ASTN1: variants seen among roughly 807,000 people sequenced by gnomAD.
ASTN1 encodes astrotactin-1.
A neutral mutation model predicts 140.7 loss-of-function variants in ASTN1; 41 were observed. The ratio of observed to expected loss-of-function variants is 0.29; its 90% CI spans 0.23 to 0.38. The LOEUF (loss-of-function observed/expected upper bound fraction) is 0.38. Among genes scored for constraint, ASTN1 ranks in the 10% least tolerant of loss-of-function variants. The probability of loss-of-function intolerance (pLI) is 1.00; values close to 1 mark genes in which losing one functional copy is unlikely to be tolerated. For missense variants in ASTN1, 1,479 were observed against 1,678.8 expected (o/e 0.88, Z 2.08); for synonymous variants, 640 against 652.2 (o/e 0.98, Z 0.29).
At chr1:177,068,660 A>G (rs1422260520) in intron 1 of ASTN1, among the ~76,000 whole-genome samples, 1 of 152,136 alleles carries the variant, frequency 6.6e-6, no homozygotes, top group African/African-American at 2.4e-5. Context: ...ATGTTATTCA[A>G]TGACACAAAA....
intron 8 of ASTN1, among the ~76,000 whole-genome samples, chr1:176,990,710 TC>T (rs1674118210): frequency 6.6e-6 from 1 of 151,834 alleles, no homozygotes; most frequent in South Asian, 2.1e-4. Flanking sequence ...TGGCGTAGTC[TC>T]CCCCCAGATA....
At chr1:177,111,697 T>C (rs1680828888) in intron 1 of ASTN1, among the ~76,000 whole-genome samples, 2 of 151,584 alleles carry the variant, frequency 1.3e-5, no homozygotes, top group Admixed American at 6.6e-5. Flanking sequence ...GGTACGAGAG[T>C]TTAAGTGCAT....
At chr1:176,888,647 CT>C (rs1669141941) in intron 17 of ASTN1, among the ~76,000 whole-genome samples, 1 of 152,196 alleles carries the variant, frequency 6.6e-6, no homozygotes, top group Non-Finnish European at 1.5e-5. Context: ...CCAGTATTCC[CT>C]TTGCATTCCT....
At chr1:177,042,500 C>T (rs959502280) in intron 2 of ASTN1, among the ~76,000 whole-genome samples, 5 of 152,190 alleles carry the variant, frequency 3.3e-5, no homozygotes, top group African/African-American at 1.2e-4. Flanking sequence ...CCTCCAAACT[C>T]CTGCCTCATT....
chr1:177,081,690 G>C (rs192516313), intron 1 of ASTN1, among the ~76,000 whole-genome samples: 1 of 152,288 alleles, frequency 6.6e-6, no homozygotes, highest in African/African-American at 2.4e-5. Flanking sequence ...CTCTTGGTAG[G>C]TTGTACGAAG....
intron 1 of ASTN1, among the ~76,000 whole-genome samples, chr1:177,101,662 A>G (rs1312881587): frequency 2.0e-5 from 3 of 152,198 alleles, no homozygotes; most frequent in African/African-American, 7.2e-5. Context: ...ATTGACCTAT[A>G]TGCTTGTGAT....
intron 1 of ASTN1, among the ~76,000 whole-genome samples, chr1:177,129,837 C>T (rs887384939): frequency 4.6e-5 from 7 of 152,080 alleles, no homozygotes; most frequent in Admixed American, 2.6e-4. Flanking sequence ...CATGGTGGCA[C>T]GCACCTGTAG....
intron 1 of ASTN1, among the ~76,000 whole-genome samples, chr1:177,150,252 G>A (rs1403845254): frequency 1.3e-5 from 2 of 152,028 alleles, no homozygotes; most frequent in Non-Finnish European, 1.5e-5. Flanking sequence ...GATGACCAAA[G>A]TCAATAAAAA....
At chr1:176,985,276 C>T (rs750265979) in intron 8 of ASTN1, among the ~76,000 whole-genome samples, 1 of 152,144 alleles carries the variant, frequency 6.6e-6, no homozygotes, top group Non-Finnish European at 1.5e-5. Flanking sequence ...TTGACCTGTG[C>T]AGGACTCAGT....
At chr1:176,902,807 A>C (rs1669826326) in intron 16 of ASTN1, among the ~76,000 whole-genome samples, 2 of 152,262 alleles carry the variant, frequency 1.3e-5, no homozygotes. Context: ...AGTGTAAAAA[A>C]TAAAGAACAA....
intron 2 of ASTN1, among the ~76,000 whole-genome samples, chr1:177,034,479 G>C (rs1676613512): frequency 6.6e-6 from 1 of 152,068 alleles, no homozygotes; most frequent in Non-Finnish European, 1.5e-5. Context: ...GAATAAACAT[G>C]CTCAGGTTCC....
intron 1 of ASTN1, among the ~76,000 whole-genome samples, chr1:177,136,872 A>G (rs1228289668): frequency 6.6e-6 from 1 of 152,210 alleles, no homozygotes; most frequent in East Asian, 1.9e-4. Context: ...TTCTGCTTTA[A>G]AGAAATTAAA....
intron 16 of ASTN1, among the ~76,000 whole-genome samples, chr1:176,923,574 A>G (rs914183747): frequency 3.3e-5 from 5 of 152,212 alleles, no homozygotes; most frequent in African/African-American, 1.2e-4. Context: ...AGAGAGAGAA[A>G]CCACATTCAT....
rs1553232058 is a variant in ASTN1, at chr1:176,946,086, G to A, written c.2089C>T (p.Arg697Cys). The change falls in exon 13 of 23, where the codon CGC becomes TGC. Residue 697 changes from arginine to cysteine, a missense_variant. By Grantham distance (180) the Arg-to-Cys change is radical (BLOSUM62 -3). This residue lies in a region of ASTN1 where 746 missense variants were observed against 800.9 expected (regional missense o/e 0.93). Transcript: ENST00000361833. ...IEDYKLGVDG[R>C]SCQLITETCP... is the part of the protein sequence containing the mutation. ...GTCTCCGTGATGAGTTGGCAAGAGC[G>A]TCCATCCACACCAAGCTTGTAGTCC... The A allele has an allele frequency of 4.3e-6, 7 of 1,613,220 alleles. No homozygotes were observed. Among genetic ancestry groups the A allele is most frequent in the Admixed American group, 1.7e-5 (1 of 59,974 alleles).
At chr1:176,960,229 A>C (rs1672600108) in intron 9 of ASTN1, among the ~76,000 whole-genome samples, 1 of 152,182 alleles carries the variant, frequency 6.6e-6, no homozygotes, top group African/African-American at 2.4e-5. Context: ...TTGAGTTAGA[A>C]ACATCATTAT....
Position 176,863,736 on chromosome 1 carries a change from CAGG to C in ASTN1, c.*545_*547del, listed in dbSNP as rs1668039512. On this transcript the variant is annotated 3_prime_UTR_variant, in exon 23 of 23. Transcript: ENST00000361833. ...TGATAGCAAGGCCTAGGAAGAAAAC[CAGG>C]AGACACAGACAAGGGCCACCTTCCT... 1 of 986,540 alleles carries C rather than the reference CAGG, an allele frequency of 1.0e-6. No homozygotes were observed. The highest frequency in any genetic ancestry group is 1.7e-5 in the African/African-American group (1 of 57,226). 61.1% of individuals were successfully genotyped at this position (986,540 alleles called of 1,614,324 possible). A position where few individuals can be genotyped will look rare whatever the true frequency, so the allele number is the denominator to read the frequency against.
At position 177,107,713 on chromosome 1, in the gene ASTN1, A is replaced by G. The variant is rs150962175; in HGVS notation, c.284-46448T>C. 8.4e-4 allele frequency among the ~76,000 whole-genome samples: 128 copies of G among 152,240 alleles called. 2 individuals carry two copies. The highest frequency in any genetic ancestry group is 3.0e-3 in the African/African-American group (126 of 41,558). The stretch of plus-strand genomic sequence containing the variant: ...CCTCCTTCTTCACCTCTTAGACCTA[A>G]GTCTGGCCAGAGCACCTTGCTGTTA... On this transcript the variant is annotated intron_variant, in intron 1 of 22. Coordinates refer to ENST00000361833, the MANE Select transcript of ASTN1 (RefSeq NM_004319.3).
intron 1 of ASTN1, among the ~76,000 whole-genome samples, chr1:177,136,601 G>C (rs1682216064): frequency 1.3e-5 from 2 of 152,048 alleles, no homozygotes; most frequent in Non-Finnish European, 2.9e-5. Context: ...TGATCCCCCT[G>C]CCTCGGCTTC....
intron 22 of ASTN1, 108 bp from the exon 23 acceptor site, chr1:176,864,629 G>A: frequency 6.8e-7 from 1 of 1,477,738 alleles, no homozygotes; most frequent in East Asian, 2.3e-5. Context: ...AGAGTGTGGT[G>A]TGTTTTGCTC....
Sources: gnomAD v4.1 joint callset for allele counts (sites outside exome capture counted in the v4.1 genomes callset) on GRCh38, gnomAD v4.1.1 for gene constraint, gnomAD v4.1.1 regional missense constraint, MANE v1.5 for transcripts, NCBI Gene and HGNC (gene_info 2026-07-23, HGNC 2026-07-21) for gene names.